Variants in AHDC1 observed in about 807,000 individuals in gnomAD.
AHDC1 encodes the protein AT-hook DNA binding motif containing 1, also known as transcription factor Gibbin.
Under a neutral mutation model 87.9 loss-of-function variants are expected in AHDC1, and 7 were observed. The observed-to-expected ratio is 0.08, with a 90% CI of 0.05 to 0.15. AHDC1 has a LOEUF of 0.15. Ranked by LOEUF, AHDC1 falls within the 10% of genes least tolerant of loss-of-function variation. AHDC1 has a pLI of 1.00. For synonymous variants in AHDC1, 1,051 were observed against 1,006.8 expected, an observed-to-expected ratio of 1.04 and a Z score of -0.83; for missense variants, 1,841 against 2,253.2, an observed-to-expected ratio of 0.82 and a Z score of 3.70.
chr1:27,602,804 C>G (rs2089569188), intron 3 of AHDC1, among the ~76,000 whole-genome samples: 1 of 152,172 alleles, frequency 6.6e-6, no homozygotes, highest in African/African-American at 2.4e-5. Flanking sequence ...CCCCCAAATC[C>G]CTCCTCCGCC....
intron 3 of AHDC1, among the ~76,000 whole-genome samples, chr1:27,559,217 A>G (rs1221137026): frequency 6.7e-6 from 1 of 148,774 alleles, no homozygotes; most frequent in Non-Finnish European, 1.5e-5. Context: ...ATGCCTGGCT[A>G]TTTTTTTTTT....
At chr1:27,575,893 GA>G (rs1245140211) in intron 3 of AHDC1, among the ~76,000 whole-genome samples, 8 of 151,030 alleles carry the variant, frequency 5.3e-5, no homozygotes, top group Non-Finnish European at 1.0e-4. Flanking sequence ...CGCTGAATGG[GA>G]GGGGGGGCGG....
At chr1:27,600,851 T>TG (rs1396586369) in intron 3 of AHDC1, among the ~76,000 whole-genome samples, 2 of 152,060 alleles carry the variant, frequency 1.3e-5, no homozygotes, top group African/African-American at 4.8e-5. Flanking sequence ...TCTAAGCCCA[T>TG]GCAGTGGGGG....
rs3766392 is a variant in AHDC1 at position 27,540,824 on chromosome 1, T to C, written c.*44-5908A>G. 8.2e-4 allele frequency among the ~76,000 whole-genome samples: 124 copies of C among 151,694 alleles called. 2 individuals are homozygous for C. Among genetic ancestry groups the C allele is most frequent in the East Asian group, 1.5e-3 (8 of 5,170 alleles). ...TGGGTGCCAGGACGGAAGCCTGGAA[T>C]ACCTTGAATACCATGCTGGGAAGCT... On this transcript the variant is annotated intron_variant, in intron 8 of 8. Coordinates refer to ENST00000673934, the MANE Select transcript of AHDC1 (RefSeq NM_001371928.1).
At chr1:27,557,990 C>T in intron 5 of AHDC1, among the ~76,000 whole-genome samples, 1 of 152,226 alleles carries the variant, frequency 6.6e-6, no homozygotes, top group South Asian at 2.1e-4. Flanking sequence ...ACAGCTGTAC[C>T]TCCCCACCCT....
chr1:27,539,516 G>T (rs2018809894), intron 8 of AHDC1, among the ~76,000 whole-genome samples: 1 of 151,988 alleles, frequency 6.6e-6, no homozygotes, highest in Admixed American at 6.6e-5. Flanking sequence ...TGCAATCTTG[G>T]CTTACTGCAA....
chr1:27,597,763 C>G (rs1208759296), intron 3 of AHDC1, among the ~76,000 whole-genome samples: 1 of 151,668 alleles, frequency 6.6e-6, no homozygotes, highest in Non-Finnish European at 1.5e-5. Flanking sequence ...GCAGTCTTCT[C>G]CCTCCCTCTC....
rs769391540 is a variant in AHDC1, at chr1:27,547,976, G to A, written c.4140C>T (p.Phe1380=). 6.2e-7 allele frequency: 1 copy of A among 1,603,802 alleles called. No individual in the cohort carries two copies. Among genetic ancestry groups the A allele is most frequent in the Non-Finnish European group, 8.5e-7 (1 of 1,172,924 alleles). The part of the protein sequence containing the change: ...LGAPELDGKH[F]PPLAHPPTVF... The stretch of plus-strand genomic sequence containing the variant: ...CCGTGGGTGGGTGGGCCAGCGGTGG[G>A]AAATGCTTGCCATCAAGCTCGGGAG... Residue 1380 remains phenylalanine, a synonymous_variant, in exon 8 of 9, where the codon TTC becomes TTT. Coordinates refer to ENST00000673934, the MANE Select transcript of AHDC1 (RefSeq NM_001371928.1). This position sits in a 1 kb window ranked among gnomAD's most constrained non-coding sequence, Gnocchi z 4.9.
chr1:27,562,322 C>T lies in AHDC1; in HGVS notation c.-628-3439G>A, dbSNP rs2020125830. Among the ~76,000 whole-genome samples, 1 of 152,128 alleles carries T rather than the reference C, an allele frequency of 6.6e-6. No individual in the cohort carries two copies. Among genetic ancestry groups the T allele is most frequent in the Non-Finnish European group, 1.5e-5 (1 of 68,014 alleles). On this transcript the variant is annotated intron_variant, in intron 3 of 8. Coordinates refer to ENST00000673934, the MANE Select transcript of AHDC1 (RefSeq NM_001371928.1). This position sits in a 1 kb window ranked among gnomAD's most constrained non-coding sequence, Gnocchi z 4.4. ...TGCGGTTCAGAAATCCAATATCCTC[C>T]CCGGTGCACTGATCGACTGACTACC...
In AHDC1 at chr1:27,549,884, G is replaced by A; in HGVS notation, c.2232C>T (p.Ser744=). The change falls in exon 8 of 9, where the codon TCC becomes TCT. Residue 744 remains serine, a synonymous_variant. Coordinates refer to ENST00000673934, the MANE Select transcript of AHDC1 (RefSeq NM_001371928.1). The part of the protein sequence containing the change: ...VTGKPKRKRR[S]RKNGTLFPEQ... ...CTGGGAACAGAGTCCCATTCTTCCG[G>A]GACCGTCTCTTGCGCTTTGGCTTCC... 5.6e-6 allele frequency: 9 copies of A among 1,613,582 alleles called. No individual in the cohort carries two copies. The highest frequency in any genetic ancestry group is 6.8e-6 in the Non-Finnish European group (8 of 1,179,794).
chr1:27,550,444 G>T lies in AHDC1; in HGVS notation c.1672C>A (p.Pro558Thr), dbSNP rs1359952977. ...ACAGCTGGCTCCTTGGGCTTGCCGG[G>T]ACCCAGCAGCAGGTTCTTAGGAGGG... ...GRPPKNLLLG[P>T]GKPKEPAVVA... The change falls in exon 8 of 9, where the codon CCC becomes ACC. Residue 558 changes from proline (P) to threonine (T), a missense_variant. By Grantham distance (38) the Pro-to-Thr change is conservative. Around this residue, in one of 13 missense-constraint regions of AHDC1, gnomAD observed 84 missense variants for 111.7 expected, o/e 0.75. Coordinates refer to ENST00000673934, the MANE Select transcript of AHDC1 (RefSeq NM_001371928.1). The T allele has an allele frequency of 1.2e-6, 2 of 1,608,778 alleles. No homozygotes were observed. Among genetic ancestry groups the T allele is most frequent in the African/African-American group, 2.7e-5 (2 of 74,894 alleles).
chr1:27,593,603 G>A lies in AHDC1; in HGVS notation c.-629+9794C>T, dbSNP rs1047836844. Among the ~76,000 whole-genome samples the A allele has an allele frequency of 2.6e-5, 4 of 152,226 alleles. No homozygotes were observed. Among genetic ancestry groups the A allele is most frequent in the Non-Finnish European group, 4.4e-5 (3 of 68,034 alleles). On this transcript the variant is annotated intron_variant, in intron 3 of 8. Coordinates refer to ENST00000673934, the MANE Select transcript of AHDC1 (RefSeq NM_001371928.1). The surrounding 1 kb of genome is among the most constrained non-coding windows in gnomAD (Gnocchi z 4.9). ...TCAGGCATGCCAGCTGTGCCAGGGC[G>A]GATGGGCACATATGTGCAAACACCC...
intron 3 of AHDC1, among the ~76,000 whole-genome samples, chr1:27,582,698 C>T (rs547721812): frequency 5.1e-4 from 77 of 152,332 alleles, no homozygotes; most frequent in Non-Finnish European, 9.4e-4. Context: ...ATGCATGAGT[C>T]AAGTGCTTAC....
intron 3 of AHDC1, among the ~76,000 whole-genome samples, chr1:27,573,378 C>T (rs185681086): frequency 6.6e-6 from 1 of 152,258 alleles, no homozygotes; most frequent in East Asian, 1.9e-4. Flanking sequence ...CATAGTTCCC[C>T]AGTGGGAGCC....
chr1:27,602,301 C>A (rs1360868908), intron 3 of AHDC1, among the ~76,000 whole-genome samples: 1 of 152,038 alleles, frequency 6.6e-6, no homozygotes, highest in African/African-American at 2.4e-5. Flanking sequence ...GCCCGCTGCC[C>A]GCCTCAGGGA....
chr1:27,551,750 C>T lies in AHDC1; in HGVS notation c.366G>A (p.Val122=). 6.2e-7 allele frequency: 1 copy of T among 1,613,750 alleles called. No homozygotes were observed. The change falls in exon 8 of 9, where the codon GTG becomes GTA. Residue 122 remains valine (V), a synonymous_variant. Transcript: ENST00000673934. ...DNGRVNLRPV[V]QLIDIMKDLT... is the part of the protein sequence containing the mutation. Reference sequence around the variant, plus strand: ...GGTCCTTCATGATGTCAATCAGCTGCACCACTGGTCGCAGGTTCACCCGCC... The same window carrying T: ...GGTCCTTCATGATGTCAATCAGCTGTACCACTGGTCGCAGGTTCACCCGCC...
At chr1:27,591,261 G>C (rs577061611) in intron 3 of AHDC1, among the ~76,000 whole-genome samples, 1 of 152,306 alleles carries the variant, frequency 6.6e-6, no homozygotes, top group African/African-American at 2.4e-5. Context: ...GAGGAAACTA[G>C]GCTGGTGGGT....
At chr1:27,556,095 C>T (rs1375406003) in intron 5 of AHDC1, among the ~76,000 whole-genome samples, 1 of 152,184 alleles carries the variant, frequency 6.6e-6, no homozygotes, top group Non-Finnish European at 1.5e-5. Context: ...GGGACACCAG[C>T]TGGTTGGGAG....
intron 3 of AHDC1, among the ~76,000 whole-genome samples, chr1:27,580,022 G>A (rs1010574723): frequency 3.3e-5 from 5 of 152,122 alleles, no homozygotes; most frequent in Admixed American, 1.3e-4. Context: ...TCTGATCTCG[G>A]CAGATGGGCC....
Sources: gnomAD v4.1 joint callset for allele counts (sites outside exome capture counted in the v4.1 genomes callset) on GRCh38, gnomAD v4.1.1 for gene constraint, gnomAD v4.1.1 regional missense constraint, Gnocchi (gnomAD v3.1) non-coding constraint, MANE v1.5 for transcripts, NCBI Gene and HGNC (gene_info 2026-07-23, HGNC 2026-07-21) for gene names.